The following DACH2 variants were observed in gnomAD, a reference collection of about 807,000 sequenced individuals.
The protein encoded by DACH2 is dachshund family transcription factor 2, also known as dachshund homolog 2.
In DACH2, 17 loss-of-function variants were observed where a neutral mutation model predicts 35.8. The observed-to-expected ratio is 0.48, with a 90% CI of 0.33 to 0.71. The LOEUF (loss-of-function observed/expected upper bound fraction) is 0.71, where lower values mean the gene tolerates loss of function less well. DACH2 is among the 30% of genes least tolerant of loss of function. The probability of loss-of-function intolerance (pLI) is 0.02; values close to 1 mark genes in which losing one functional copy is unlikely to be tolerated. For missense variants in DACH2, 469 were observed against 472.7 expected, an observed-to-expected ratio of 0.99 and a Z score of 0.07; for synonymous variants, 195 against 177.3, an observed-to-expected ratio of 1.10 and a Z score of -0.79.
intron 1 of DACH2, among the ~76,000 whole-genome samples, chrX:86,303,534 C>A (rs888061283): frequency 2.1e-4 from 23 of 110,229 alleles, no homozygotes; most frequent in Non-Finnish European, 3.8e-4. Flanking sequence ...GGATGGATGA[C>A]CAGTTAGTGG....
At chrX:86,570,607 A>G (rs1029138480) in intron 3 of DACH2, among the ~76,000 whole-genome samples, 2 of 110,353 alleles carry the variant, frequency 1.8e-5, no homozygotes, top group Non-Finnish European at 3.8e-5. Flanking sequence ...GAAGCGGGAG[A>G]GCATTAGGAA....
chrX:86,320,614 T>A (rs2034997818), intron 1 of DACH2, among the ~76,000 whole-genome samples: 1 of 112,455 alleles, frequency 8.9e-6, no homozygotes, highest in Non-Finnish European at 1.9e-5. Flanking sequence ...TTATTCCGCA[T>A]GGTTAACCTA....
chrX:86,727,902 T>C (rs2041488917), intron 6 of DACH2, among the ~76,000 whole-genome samples: 1 of 112,149 alleles, frequency 8.9e-6, no homozygotes, highest in Non-Finnish European at 1.9e-5. Flanking sequence ...TACAGAAAAC[T>C]GGTACTGAGG....
chrX:86,736,187 T>C (rs751503087), intron 6 of DACH2, among the ~76,000 whole-genome samples: 16 of 111,391 alleles, frequency 1.4e-4, no homozygotes, highest in Admixed American at 2.9e-4. Flanking sequence ...TAATTCTTAA[T>C]CAATGTACGA....
chrX:86,707,875 A>G (rs752243328), intron 5 of DACH2, among the ~76,000 whole-genome samples: 1 of 92,575 alleles, frequency 1.1e-5, no homozygotes, highest in Admixed American at 1.3e-4. Flanking sequence ...AGATCACACC[A>G]CTGTATTCCA....
intron 2 of DACH2, among the ~76,000 whole-genome samples, chrX:86,463,469 C>A (rs141700183): frequency 9.1e-6 from 1 of 110,112 alleles, no homozygotes; most frequent in Non-Finnish European, 1.9e-5. Flanking sequence ...AGTGACTAGC[C>A]GTATGAAGAA....
At chrX:86,430,806 G>A (rs867094571) in intron 2 of DACH2, among the ~76,000 whole-genome samples, 1 of 112,110 alleles carries the variant, frequency 8.9e-6, no homozygotes, top group Non-Finnish European at 1.9e-5. Context: ...GTGTGCTCAC[G>A]TAACTCAAAC....
In DACH2 at chrX:86,404,679, C is replaced by A. The variant is rs147363188; in HGVS notation, c.527+27817C>A. 9.9e-4 allele frequency among the ~76,000 whole-genome samples: 110 copies of A among 111,673 alleles called. 2 individuals carry two copies. In the East Asian group the frequency reaches 0.03, roughly 30 times the overall value. ...CGATGCAAGCTGTTGTTGGATCTAACGTTCTGGGATCTGGAGAATGGTGTC... is the reference window on the plus strand; with the variant it reads ...CGATGCAAGCTGTTGTTGGATCTAAAGTTCTGGGATCTGGAGAATGGTGTC... On this transcript the variant is annotated intron_variant, in intron 2 of 11. Coordinates refer to ENST00000373125, the MANE Select transcript of DACH2 (RefSeq NM_053281.3).
intron 7 of DACH2, among the ~76,000 whole-genome samples, chrX:86,785,805 A>G (rs1416298992): frequency 2.7e-5 from 3 of 111,661 alleles, no homozygotes; most frequent in Non-Finnish European, 3.8e-5. Flanking sequence ...ATTGCTTCCT[A>G]TATGCTACAT....
intron 1 of DACH2, among the ~76,000 whole-genome samples, chrX:86,339,650 T>G (rs1284876398): frequency 9.0e-6 from 1 of 111,715 alleles, no homozygotes; most frequent in Non-Finnish European, 1.9e-5. Context: ...AGAGTCTGTA[T>G]GTATTTCCCA....
chrX:86,609,379 G>T (rs2039899843), intron 3 of DACH2, among the ~76,000 whole-genome samples: 1 of 111,727 alleles, frequency 9.0e-6, no homozygotes, highest in African/African-American at 3.2e-5. Context: ...GTGTTATCTT[G>T]AATTTCTTTG....
At chrX:86,349,251 C>T (rs988640729) in intron 1 of DACH2, among the ~76,000 whole-genome samples, 1 of 111,649 alleles carries the variant, frequency 9.0e-6, no homozygotes, top group Admixed American at 9.5e-5. Flanking sequence ...AGCTGTCAGG[C>T]TCTCACCGAC....
chrX:86,181,460 T>G (rs2031492575), intron 1 of DACH2, among the ~76,000 whole-genome samples: 1 of 111,227 alleles, frequency 9.0e-6, no homozygotes, highest in African/African-American at 3.3e-5. Flanking sequence ...CCTGTGTTAG[T>G]TTGCTGAGAA....
At chrX:86,177,846 T>C (rs1190394718) in intron 1 of DACH2, among the ~76,000 whole-genome samples, 1 of 110,996 alleles carries the variant, frequency 9.0e-6, no homozygotes, top group Non-Finnish European at 1.9e-5. Flanking sequence ...TTTCCCTTCT[T>C]TATCTAGCAT....
At chrX:86,716,662 C>T (rs1326167160) in intron 6 of DACH2, among the ~76,000 whole-genome samples, 1 of 112,009 alleles carries the variant, frequency 8.9e-6, no homozygotes, top group East Asian at 2.8e-4. Flanking sequence ...TTCATAAATA[C>T]CATATTTAAT....
At chrX:86,342,800 TATAA>T (rs1311480109) in intron 1 of DACH2, among the ~76,000 whole-genome samples, 12 of 108,686 alleles carry the variant, frequency 1.1e-4, no homozygotes, top group Non-Finnish European at 1.5e-4. Flanking sequence ...TCTCAAGAAA[TATAA>T]ATAAATAAAT....
intron 6 of DACH2, among the ~76,000 whole-genome samples, 167 bp downstream of exon 6, chrX:86,714,887 G>GTTGT (rs2041318753): frequency 8.9e-6 from 1 of 112,059 alleles, no homozygotes; most frequent in African/African-American, 3.2e-5. Context: ...CAGGTTTGTT[G>GTTGT]TTGTTTGTTT....
intron 2 of DACH2, among the ~76,000 whole-genome samples, chrX:86,428,621 G>T (rs1484883388): frequency 1.8e-5 from 2 of 111,584 alleles, no homozygotes; most frequent in African/African-American, 6.5e-5. Flanking sequence ...AGAGGTGAAA[G>T]GCTATCTTAC....
chrX:86,789,469 A>AT (rs200027228), intron 7 of DACH2, among the ~76,000 whole-genome samples: 163 of 111,873 alleles, frequency 1.5e-3, no homozygotes, highest in East Asian at 7.6e-3. Flanking sequence ...GGTATCAATA[A>AT]TTTTTTTAAA....
Sources: allele counts gnomAD v4.1 joint callset (sites outside exome capture counted in the v4.1 genomes callset), GRCh38; gene constraint gnomAD v4.1.1; transcripts MANE v1.5; gene names NCBI Gene and HGNC (gene_info 2026-07-23, HGNC 2026-07-21).